MTO1: variants seen among roughly 807,000 people sequenced by gnomAD.
MTO1 encodes the protein mitochondrial tRNA translation optimization 1, also known as 5-taurinomethyluridine-[tRNA] synthase subunit MTO1, mitochondrial.
Under a neutral mutation model 71.6 loss-of-function variants are expected in MTO1, and 46 were observed. That is an observed-to-expected ratio of 0.64 (90% CI 0.51 to 0.82). MTO1 has a LOEUF of 0.82. Ranked by LOEUF, MTO1 falls within the 40% of genes least tolerant of loss-of-function variation. The pLI is 0.00. For synonymous variants in MTO1, 297 were observed against 312.1 expected, an observed-to-expected ratio of 0.95 and a Z score of 0.51; for missense variants, 773 against 867.5, an observed-to-expected ratio of 0.89 and a Z score of 1.37.
chr6:73,482,333 C>T, intron 8 of MTO1, 89 bp downstream of exon 8: 2 of 1,551,920 alleles, frequency 1.3e-6, no homozygotes, highest in Non-Finnish European at 1.8e-6. Flanking sequence ...GCAAGAGGAT[C>T]ACTTGAGGCC....
chr6:73,466,537 G>C lies in MTO1; in HGVS notation c.466G>C (p.Glu156Gln), dbSNP rs749590297. Residue 156 changes from glutamate to glutamine, a missense_variant, in exon 3 of 12, where the codon GAA becomes CAA. Glu to Gln is a conservative substitution (Grantham distance 29). Transcript: ENST00000498286. The stretch of plus-strand genomic sequence containing the variant: ...GCTTACTGTTCAGGAGGGAGCTGTA[G>C]AAGATCTTATTCTTACAGAACCAGA... ...PLLTVQEGAV[E>Q]DLILTEPEPE... 5 of 1,614,210 alleles carry C rather than the reference G, an allele frequency of 3.1e-6. No homozygotes were observed. Among genetic ancestry groups the C allele is most frequent in the Non-Finnish European group, 4.2e-6 (5 of 1,180,040 alleles).
chr6:73,480,388 A>G, intron 6 of MTO1: 1 of 650,070 alleles, frequency 1.5e-6, no homozygotes, highest in East Asian at 3.1e-5. Flanking sequence ...CTTCTGCCTC[A>G]GCCTCCTGAG....
Position 73,479,966 on chromosome 6 carries a change from G to T in MTO1, c.969G>T (p.Leu323Phe), listed in dbSNP as rs752977187. 6.2e-7 allele frequency: 1 copy of T among 1,613,156 alleles called. No individual in the cohort carries two copies. Among genetic ancestry groups the T allele is most frequent in the Admixed American group, 1.7e-5 (1 of 59,770 alleles). Residue 323 changes from leucine (L) to phenylalanine (F), a missense_variant, in exon 6 of 12, where the codon TTG becomes TTT. Physicochemically the swap from Leu to Phe is conservative, Grantham distance 22. Transcript: ENST00000498286. ...GTCCCTCCATTGAATCAAAAGTTTTGCGTTTTCCAAACCGTCTACATCAGG... is the reference window on the plus strand; with the variant it reads ...GTCCCTCCATTGAATCAAAAGTTTTTCGTTTTCCAAACCGTCTACATCAGG... Reference protein sequence around the residue: ...RYCPSIESKVLRFPNRLHQVW... With the variant: ...RYCPSIESKVFRFPNRLHQVW...
chr6:73,489,913 A>G (rs1384371918), intron 9 of MTO1, among the ~76,000 whole-genome samples: 3 of 152,140 alleles, frequency 2.0e-5, no homozygotes, highest in Non-Finnish European at 4.4e-5. Flanking sequence ...CAACAGTGTA[A>G]AAGTGTTCCT....
chr6:73,482,718 A>G, intron 9 of MTO1, 98 bp downstream of exon 9: 1 of 943,450 alleles, frequency 1.1e-6, no homozygotes, highest in Non-Finnish European at 1.5e-6. Context: ...CTACCTACAC[A>G]TTTCAAATGA....
chr6:73,462,598 G>A (rs1450648137), intron 1 of MTO1, among the ~76,000 whole-genome samples: 1 of 151,948 alleles, frequency 6.6e-6, no homozygotes, highest in African/African-American at 2.4e-5. Context: ...GCATGGTGGC[G>A]GGCGCCTATA....
chr6:73,473,140 G>A (rs185187591), intron 3 of MTO1, among the ~76,000 whole-genome samples: 34 of 152,254 alleles, frequency 2.2e-4, no homozygotes, highest in African/African-American at 7.9e-4. Flanking sequence ...CTAGCTGAGC[G>A]TGGTGGCGCA....
In MTO1 at chr6:73,497,729, T is replaced by G. The variant is rs1582701719; in HGVS notation, c.1757-7T>G. On this transcript the variant is annotated splice_region_variant and splice_polypyrimidine_tract_variant and intron_variant, in intron 10 of 11. Coordinates refer to ENST00000498286, the MANE Select transcript of MTO1 (RefSeq NM_012123.4). ...TATTATAACATGATTCTGATTTTGT[T>G]GACCAGCCACTTATGAATCAGTGTT... 6.2e-7 allele frequency: 1 copy of G among 1,608,648 alleles called. No individual in the cohort carries two copies. Among genetic ancestry groups the G allele is most frequent in the Non-Finnish European group, 8.5e-7 (1 of 1,175,818 alleles).
rs557245879 is a variant in MTO1 at position 73,492,074 on chromosome 6, T to C, written c.1638-160T>C. ...CCAAGATTGTACCACTGCACTACAG[T>C]TGATGGGCGACAGAGCGAGACTCCA... is the stretch of plus-strand genomic sequence containing the variant. On this transcript the variant is annotated intron_variant, in intron 9 of 11. Transcript: ENST00000498286. 10 of 519,064 alleles carry C rather than the reference T, an allele frequency of 1.9e-5. No homozygotes were observed. The Admixed American group carries it at 2.9e-4, about 15-fold the overall frequency. The allele number at this position is 519,064 out of a possible 1,614,324, so 32.2% of individuals were successfully genotyped here.
intron 7 of MTO1, 40 bp from the exon 8 acceptor site, chr6:73,482,000 A>G: frequency 1.9e-6 from 3 of 1,604,128 alleles, no homozygotes; most frequent in Non-Finnish European, 2.6e-6. Context: ...CCGTTTGTTT[A>G]GTTCATAATG....
chr6:73,464,306 A>G (rs1219223233), intron 1 of MTO1: 1 of 152,190 alleles, frequency 6.6e-6, no homozygotes, highest in Non-Finnish European at 1.5e-5. Context: ...CACAGCTGTC[A>G]TTCCTGTTTT....
chr6:73,472,861 G>A lies in MTO1; in HGVS notation c.536-504G>A, dbSNP rs566432238. ...GTTTTTTATATGTCTGTTATATGTC[G>A]ATAAGTCTTGAAAAAACAAAAATAT... is the stretch of plus-strand genomic sequence containing the variant. On this transcript the variant is annotated intron_variant, in intron 3 of 11. Coordinates refer to ENST00000498286, the MANE Select transcript of MTO1 (RefSeq NM_012123.4). Among the ~76,000 whole-genome samples, 10 of 152,152 alleles carry A rather than the reference G, an allele frequency of 6.6e-5. No homozygotes were observed. In the East Asian group the frequency reaches 1.9e-3, roughly 29 times the overall value.
intron 7 of MTO1, among the ~76,000 whole-genome samples, chr6:73,481,468 TA>T (rs35066898): frequency 0.99 from 150,960 of 152,044 alleles, 74,953 homozygotes; most frequent in East Asian, 1. Flanking sequence ...AGGTGGGTTT[TA>T]AAAAAAAGAT....
intron 10 of MTO1, among the ~76,000 whole-genome samples, chr6:73,493,964 G>A (rs1370161454): frequency 6.6e-6 from 1 of 151,990 alleles, no homozygotes; most frequent in Non-Finnish European, 1.5e-5. Context: ...TGGGCGTAGT[G>A]GCTCACGCCT....
rs748168248 is a variant in MTO1 at position 73,461,839 on chromosome 6, AG to A, written c.-15del. 3 of 1,606,072 alleles carry A rather than the reference AG, an allele frequency of 1.9e-6. No individual in the cohort carries two copies. In the South Asian group the frequency reaches 3.3e-5, roughly 18 times the overall value. ...ACTCGTGTCAGCTTCAAAGTCAGAT[AG>A]ATTTTTCTCCCAGCATGTTCTACTT... is the stretch of plus-strand genomic sequence containing the variant. On this transcript the variant is annotated 5_prime_UTR_variant, in exon 1 of 12. Coordinates refer to ENST00000498286, the MANE Select transcript of MTO1 (RefSeq NM_012123.4).
chr6:73,471,610 G>T (rs1561941610), intron 3 of MTO1: 1 of 298,692 alleles, frequency 3.3e-6, no homozygotes, highest in Non-Finnish European at 6.5e-6. Flanking sequence ...AGAGATGGGG[G>T]TCTCACTATG....
chr6:73,501,570 C>G lies in MTO1; in HGVS notation c.*835C>G, dbSNP rs969339138. 4.6e-5 allele frequency: 7 copies of G among 152,118 alleles called. No individual in the cohort carries two copies. The highest frequency in any genetic ancestry group is 1.7e-4 in the African/African-American group (7 of 41,418). The allele number at this position is 152,118 out of a possible 1,614,324, so 9.4% of individuals were successfully genotyped here. On this transcript the variant is annotated 3_prime_UTR_variant, in exon 12 of 12. Transcript: ENST00000498286. ...CAGAAAAAACAGAATAGTGGTAGTACCCCTCTTCCTCTCCAGTACTTCAAT... is the reference window on the plus strand; with the variant it reads ...CAGAAAAAACAGAATAGTGGTAGTAGCCCTCTTCCTCTCCAGTACTTCAAT...
intron 9 of MTO1, among the ~76,000 whole-genome samples, chr6:73,491,036 AT>A (rs1771787313): frequency 6.6e-6 from 1 of 152,204 alleles, no homozygotes; most frequent in Admixed American, 6.5e-5. Context: ...CACTGGATCT[AT>A]GTGCATTAAT....
intron 1 of MTO1, among the ~76,000 whole-genome samples, chr6:73,464,638 C>T (rs113911376): frequency 0.19 from 28,088 of 148,594 alleles, 2,715 homozygotes; most frequent in Middle Eastern, 0.22. Context: ...AATTAAACAC[C>T]CAAGAATGAT....
Sources: allele counts gnomAD v4.1 joint callset (sites outside exome capture counted in the v4.1 genomes callset), GRCh38; gene constraint gnomAD v4.1.1; transcripts MANE v1.5; gene names NCBI Gene and HGNC (gene_info 2026-07-23, HGNC 2026-07-21).